C2orf42: variants seen among roughly 807,000 people sequenced by gnomAD.
C2orf42 encodes chromosome 2 open reading frame 42, also known as uncharacterized protein C2orf42.
Under a neutral mutation model 58.9 loss-of-function variants are expected in C2orf42, and 44 were observed. The observed-to-expected ratio is 0.75, with a 90% CI of 0.59 to 0.96. The LOEUF (loss-of-function observed/expected upper bound fraction) is 0.96, where lower values mean the gene tolerates loss of function less well. Among genes scored for constraint, C2orf42 ranks in the 40% least tolerant of loss-of-function variants. The probability of loss-of-function intolerance (pLI) is 0.00; values close to 1 mark genes in which losing one functional copy is unlikely to be tolerated. For missense variants in C2orf42, 630 were observed against 699.2 expected (o/e 0.90, Z 1.12); for synonymous variants, 239 against 265.4 (o/e 0.90, Z 0.97).
At chr2:70,164,416 G>A (rs1673265737) in intron 8 of C2orf42, among the ~76,000 whole-genome samples, 1 of 152,042 alleles carries the variant, frequency 6.6e-6, no homozygotes, top group South Asian at 2.1e-4. Context: ...GGAGGATCAT[G>A]AGGTCAGGAA....
intron 5 of C2orf42, among the ~76,000 whole-genome samples, chr2:70,171,162 A>G (rs922136292): frequency 6.6e-6 from 1 of 151,664 alleles, no homozygotes; most frequent in Non-Finnish European, 1.5e-5. Context: ...TGTGGTCCCA[A>G]CTACTCAGGA....
intron 8 of C2orf42, 83 bp downstream of exon 8, chr2:70,165,009 G>C: frequency 1.6e-6 from 1 of 606,898 alleles, no homozygotes; most frequent in Non-Finnish European, 2.9e-6. Context: ...GTAACTCAAG[G>C]AACCAGTGCA....
At chr2:70,155,810 A>G (rs113304461) in intron 9 of C2orf42, among the ~76,000 whole-genome samples, 2,227 of 53,750 alleles carry the variant, frequency 0.041, 59 homozygotes, top group African/African-American at 0.34. Context: ...AAAAAAAAAG[A>G]AAAAAAAAAA....
chr2:70,164,821 A>T lies in C2orf42; in HGVS notation c.1353+271T>A, dbSNP rs557227604. Among the ~76,000 whole-genome samples the T allele has an allele frequency of 1.1e-4, 17 of 152,256 alleles. No individual in the cohort carries two copies. In the South Asian group the frequency reaches 2.9e-3, roughly 26 times the overall value. On this transcript the variant is annotated intron_variant, in intron 8 of 9. Transcript: ENST00000264434. ...TCATCATAAGTATTAGGGGATCATT[A>T]TTTAATTTATAAGAAAAATTATGTT...
intron 3 of C2orf42, among the ~76,000 whole-genome samples, chr2:70,180,788 GC>G (rs1216570465): frequency 6.6e-6 from 1 of 151,104 alleles, no homozygotes; most frequent in Non-Finnish European, 1.5e-5. Context: ...GACTGCTTCA[GC>G]CCAGGAGTTC....
At chr2:70,151,706 AAATT>A (rs1398907455) in intron 9 of C2orf42, among the ~76,000 whole-genome samples, 1 of 152,158 alleles carries the variant, frequency 6.6e-6, no homozygotes, top group African/African-American at 2.4e-5. Flanking sequence ...TATATTATAA[AAATT>A]AACAATGTAT....
intron 9 of C2orf42, among the ~76,000 whole-genome samples, chr2:70,156,899 A>T (rs1672712230): frequency 6.6e-6 from 1 of 152,026 alleles, no homozygotes; most frequent in Non-Finnish European, 1.5e-5. Flanking sequence ...AAATTAAAAG[A>T]ATAAAAAACA....
intron 5 of C2orf42, among the ~76,000 whole-genome samples, chr2:70,174,446 T>C (rs1027817997): frequency 1.3e-5 from 2 of 152,342 alleles, no homozygotes; most frequent in East Asian, 1.9e-4. Context: ...TGTAAAACTA[T>C]AGTACATCAC....
At chr2:70,152,850 T>A (rs1405581888) in intron 9 of C2orf42, among the ~76,000 whole-genome samples, 1 of 152,124 alleles carries the variant, frequency 6.6e-6, no homozygotes, top group East Asian at 1.9e-4. Flanking sequence ...CTGATCAAGA[T>A]GGTGAAACTC....
intron 6 of C2orf42, among the ~76,000 whole-genome samples, chr2:70,167,591 A>C (rs1458667703): frequency 3.3e-5 from 5 of 151,612 alleles, no homozygotes; most frequent in Non-Finnish European, 1.5e-5. Context: ...AAATACAAAA[A>C]TTAGCCAGGA....
intron 9 of C2orf42, 86 bp from the exon 10 acceptor site, chr2:70,150,650 C>T: frequency 1.1e-6 from 1 of 870,778 alleles, no homozygotes; most frequent in African/African-American, 1.7e-5. Flanking sequence ...GGAATTGGAG[C>T]AGCCTGTTCA....
At chr2:70,177,404 C>T (rs971763838) in intron 4 of C2orf42, among the ~76,000 whole-genome samples, 2 of 152,106 alleles carry the variant, frequency 1.3e-5, no homozygotes, top group African/African-American at 4.8e-5. Flanking sequence ...CACGCCACTG[C>T]ACAATCCAGA....
At chr2:70,186,319 C>T (rs546303018) in intron 1 of C2orf42, among the ~76,000 whole-genome samples, 1 of 152,134 alleles carries the variant, frequency 6.6e-6, no homozygotes, top group South Asian at 2.1e-4. Context: ...TATATACACA[C>T]ACACACACAC....
chr2:70,153,272 G>A (rs761505087), intron 9 of C2orf42, among the ~76,000 whole-genome samples: 1 of 152,020 alleles, frequency 6.6e-6, no homozygotes, highest in Non-Finnish European at 1.5e-5. Flanking sequence ...CTCTGCATCA[G>A]CGCTCCACAT....
At chr2:70,173,451 CT>C (rs1673969697) in intron 5 of C2orf42, among the ~76,000 whole-genome samples, 1 of 151,212 alleles carries the variant, frequency 6.6e-6, no homozygotes, top group Non-Finnish European at 1.5e-5. Flanking sequence ...ATTTTTTATA[CT>C]TTTTAGTAGA....
intron 8 of C2orf42, 77 bp downstream of exon 8, chr2:70,165,015 G>A (rs1400330263): frequency 1.0e-5 from 7 of 680,880 alleles, no homozygotes; most frequent in Non-Finnish European, 1.8e-5. Flanking sequence ...CAAGGAACCA[G>A]TGCAAATATA....
intron 4 of C2orf42, among the ~76,000 whole-genome samples, 166 bp downstream of exon 4, chr2:70,179,366 C>T (rs1184909157): frequency 2.6e-5 from 4 of 151,338 alleles, no homozygotes; most frequent in Non-Finnish European, 5.9e-5. Context: ...GCCTGGAGTT[C>T]GAGGCCAGCC....
intron 8 of C2orf42, among the ~76,000 whole-genome samples, chr2:70,162,749 G>C (rs1345246913): frequency 6.6e-6 from 1 of 152,092 alleles, no homozygotes; most frequent in Non-Finnish European, 1.5e-5. Context: ...TGGTATTATA[G>C]CCACCATGCC....
In C2orf42 at chr2:70,175,717, C is replaced by A. The variant is rs758877045; in HGVS notation, c.995G>T (p.Ser332Ile). 1 of 1,613,778 alleles carries A rather than the reference C, an allele frequency of 6.2e-7. No homozygotes were observed. The highest frequency in any genetic ancestry group is 1.1e-5 in the South Asian group (1 of 91,072). Residue 332 changes from serine to isoleucine, a missense_variant, in exon 5 of 10, where the codon AGT becomes ATT. Coordinates refer to ENST00000264434, the MANE Select transcript of C2orf42 (RefSeq NM_017880.3). ...QDAVSSNLRK[S>I]GLKKPVVASS... ...AGCAACCACAGGCTTTTTCAGGCCA[C>A]TTTTCCTTAGATTACTGCTCACTGC...
Sources: allele counts gnomAD v4.1 joint callset (sites outside exome capture counted in the v4.1 genomes callset), GRCh38; gene constraint gnomAD v4.1.1; transcripts MANE v1.5; gene names NCBI Gene and HGNC (gene_info 2026-07-23, HGNC 2026-07-21).